Variants in PDE10A observed in about 807,000 individuals in gnomAD.
PDE10A encodes cAMP and cAMP-inhibited cGMP 3',5'-cyclic phosphodiesterase 10A.
A neutral mutation model predicts 97.7 loss-of-function variants in PDE10A; 39 were observed. The ratio of observed to expected loss-of-function variants is 0.40; its 90% CI spans 0.31 to 0.52. The LOEUF is 0.52. Ranked by LOEUF, PDE10A falls within the 20% of genes least tolerant of loss-of-function variation. The pLI is 0.56. For missense variants in PDE10A, 731 were observed against 1,047.8 expected, an observed-to-expected ratio of 0.70 and a Z score of 4.17; for synonymous variants, 371 against 376.8, an observed-to-expected ratio of 0.98 and a Z score of 0.18.
At chr6:165,987,701 G>C (rs1227915374) in exon 1 of PDE10A, 1 of 456,680 alleles carries the variant, frequency 2.2e-6, no homozygotes, top group Non-Finnish European at 4.4e-6. Flanking sequence ...AAAGCCCGCT[G>C]GCCAAGTTCG....
chr6:165,906,272 G>A, intron 1 of PDE10A, among the ~76,000 whole-genome samples: 1 of 151,280 alleles, frequency 6.6e-6, no homozygotes. Flanking sequence ...AAAGGAGGAA[G>A]CTCTCCGTTT....
intron 2 of PDE10A, among the ~76,000 whole-genome samples, chr6:165,498,482 G>GAGTTT (rs201456223): frequency 0.02 from 2,062 of 105,674 alleles, 35 homozygotes; most frequent in Middle Eastern, 0.075. Flanking sequence ...AACAGAGTAA[G>GAGTTT]AGTTTAGCAT....
chr6:165,436,206 T>C (rs1790003326), intron 5 of PDE10A, among the ~76,000 whole-genome samples: 1 of 152,226 alleles, frequency 6.6e-6, no homozygotes, highest in Non-Finnish European at 1.5e-5. Flanking sequence ...TTTTATCTTA[T>C]GTTGGATTAC....
chr6:165,521,019 A>C (rs2128308195), intron 2 of PDE10A, among the ~76,000 whole-genome samples: 1 of 152,280 alleles, frequency 6.6e-6, no homozygotes, highest in East Asian at 1.9e-4. Flanking sequence ...CCCAGCAGCA[A>C]GCAAGTCTAT....
intron 1 of PDE10A, among the ~76,000 whole-genome samples, chr6:165,601,564 A>G (rs915338810): frequency 2.0e-5 from 3 of 152,176 alleles, no homozygotes; most frequent in African/African-American, 7.2e-5. Flanking sequence ...CCTGTCCTTT[A>G]AATTCCTTTC....
chr6:165,641,896 C>T (rs1463573452), intron 1 of PDE10A, among the ~76,000 whole-genome samples: 1 of 152,218 alleles, frequency 6.6e-6, no homozygotes, highest in East Asian at 1.9e-4. Flanking sequence ...CTCCAGCCAC[C>T]CTGTACCTCC....
chr6:165,649,200 G>T (rs997673249), intron 1 of PDE10A, among the ~76,000 whole-genome samples: 11 of 152,094 alleles, frequency 7.2e-5, no homozygotes, highest in Admixed American at 1.3e-4. Context: ...GTCAGGAAAG[G>T]GTTCTCATAA....
chr6:165,484,390 C>T (rs1779780636), intron 2 of PDE10A, among the ~76,000 whole-genome samples: 1 of 152,260 alleles, frequency 6.6e-6, no homozygotes, highest in South Asian at 2.1e-4. Context: ...CACAACTGCT[C>T]TCTGTCACTG....
chr6:165,625,329 T>C (rs1054809212), intron 1 of PDE10A, among the ~76,000 whole-genome samples: 2 of 152,206 alleles, frequency 1.3e-5, no homozygotes, highest in Non-Finnish European at 2.9e-5. Flanking sequence ...GGCAGAGCAG[T>C]GCAGGTGGCA....
chr6:165,491,851 A>C (rs528238137), intron 2 of PDE10A, among the ~76,000 whole-genome samples: 1 of 152,264 alleles, frequency 6.6e-6, no homozygotes, highest in African/African-American at 2.4e-5. Context: ...GAAAAGAAAT[A>C]AGCAAGATCA....
At chr6:165,809,452 C>A (rs1305933407) in intron 1 of PDE10A, among the ~76,000 whole-genome samples, 4 of 152,204 alleles carry the variant, frequency 2.6e-5, no homozygotes, top group African/African-American at 9.7e-5. Context: ...ACTCAGCATG[C>A]TTTGGAGCCC....
At chr6:165,724,697 T>C (rs1792249028) in intron 1 of PDE10A, among the ~76,000 whole-genome samples, 1 of 152,224 alleles carries the variant, frequency 6.6e-6, no homozygotes, top group African/African-American at 2.4e-5. Context: ...TTCCCAGAAA[T>C]GACTATAATC....
intron 1 of PDE10A, among the ~76,000 whole-genome samples, chr6:165,624,790 C>T (rs1384200325): frequency 2.0e-5 from 3 of 152,154 alleles, no homozygotes; most frequent in Non-Finnish European, 4.4e-5. Flanking sequence ...AAAGTAATAT[C>T]ATAAATGTGA....
At chr6:165,405,742 C>T (rs933784070) in intron 13 of PDE10A, among the ~76,000 whole-genome samples, 4 of 152,172 alleles carry the variant, frequency 2.6e-5, no homozygotes, top group African/African-American at 9.7e-5. Flanking sequence ...TCCTACTACA[C>T]ACACATTGAG....
Position 165,329,309 on chromosome 6 carries a change from G to T in PDE10A, c.*3716C>A, listed in dbSNP as rs1322352925. 6.6e-6 allele frequency: 1 copy of T among 152,194 alleles called. No homozygotes were observed. The highest frequency in any genetic ancestry group is 1.5e-5 in the Non-Finnish European group (1 of 68,030). 9.4% of individuals were successfully genotyped at this position (152,194 alleles called of 1,614,324 possible). On this transcript the variant is annotated 3_prime_UTR_variant, in exon 22 of 22. Transcript: ENST00000539869. ...TGTCAATGAAGTCAAATAAAGAACA[G>T]AAATCTGATGAGGAGAGAATGGTCC...
chr6:165,343,644 TA>T lies in PDE10A; in HGVS notation c.2784-143del, dbSNP rs1782118569. ...CACACAGAAGTGACAGCCAGGACAGTAAAATGGAATTAAAAATTAGTGTCAT... is the reference window on the plus strand; with the variant it reads ...CACACAGAAGTGACAGCCAGGACAGTAAATGGAATTAAAAATTAGTGTCAT... On this transcript the variant is annotated intron_variant, in intron 18 of 21. Transcript: ENST00000539869. 7.9e-6 allele frequency: 5 copies of T among 634,330 alleles called. No homozygotes were observed. The East Asian group carries it at 1.4e-4, about 17-fold the overall frequency. 39.3% of individuals were successfully genotyped at this position (634,330 alleles called of 1,614,324 possible).
At chr6:165,485,890 G>A (rs1185133785) in intron 2 of PDE10A, among the ~76,000 whole-genome samples, 2 of 152,132 alleles carry the variant, frequency 1.3e-5, no homozygotes, top group Admixed American at 6.5e-5. Flanking sequence ...TACCGCGCCC[G>A]GCGGAGAGCA....
At chr6:165,335,303 T>C (rs772696649) in intron 21 of PDE10A, among the ~76,000 whole-genome samples, 10 of 152,104 alleles carry the variant, frequency 6.6e-5, no homozygotes, top group Non-Finnish European at 1.3e-4. Context: ...CTTCTTCCAT[T>C]TAAACAACAA....
At chr6:165,562,912 C>T (rs1377486403) in intron 1 of PDE10A, among the ~76,000 whole-genome samples, 3 of 151,908 alleles carry the variant, frequency 2.0e-5, no homozygotes, top group South Asian at 4.2e-4. Flanking sequence ...ACATCTAGTG[C>T]GTAGAAGCCG....
Sources: allele counts gnomAD v4.1 joint callset (sites outside exome capture counted in the v4.1 genomes callset), GRCh38; gene constraint gnomAD v4.1.1; transcripts MANE v1.5; gene names NCBI Gene and HGNC (gene_info 2026-07-23, HGNC 2026-07-21).